LPIN1: variants seen among roughly 807,000 people sequenced by gnomAD.
LPIN1 encodes lipin 1, also known as phosphatidate phosphatase LPIN1.
LPIN1 carries 71 observed loss-of-function variants against 107.5 expected under a neutral mutation model. The ratio of observed to expected loss-of-function variants is 0.66; its 90% CI spans 0.55 to 0.80. The LOEUF (loss-of-function observed/expected upper bound fraction) is 0.80, where lower values mean the gene tolerates loss of function less well. Ranked by LOEUF, LPIN1 falls within the 30% of genes least tolerant of loss-of-function variation. The pLI, the probability that LPIN1 is intolerant of heterozygous loss-of-function variation, is 0.00. For missense variants in LPIN1, 1,043 were observed against 1,160.6 expected, an observed-to-expected ratio of 0.90 and a Z score of 1.47; for synonymous variants, 445 against 452.6, an observed-to-expected ratio of 0.98 and a Z score of 0.21.
At chr2:11,740,327 A>G (rs898668769) in intron 1 of LPIN1, among the ~76,000 whole-genome samples, 3 of 152,148 alleles carry the variant, frequency 2.0e-5, no homozygotes, top group African/African-American at 7.2e-5. Flanking sequence ...AACACACTCA[A>G]AGACATCCCC....
At chr2:11,816,741 C>CTT (rs58385642) in intron 18 of LPIN1, 43 of 136,916 alleles carry the variant, frequency 3.1e-4, no homozygotes, top group African/African-American at 7.2e-4. Flanking sequence ...AATGACCTTC[C>CTT]TTTTTTTTTT....
chr2:11,815,517 A>G (rs1039235129), intron 18 of LPIN1, among the ~76,000 whole-genome samples: 2 of 151,772 alleles, frequency 1.3e-5, no homozygotes, highest in African/African-American at 4.8e-5. Flanking sequence ...TCGTCTCTAC[A>G]TCTCAGTCTG....
At chr2:11,769,314 C>T (rs1383466369) in intron 3 of LPIN1, among the ~76,000 whole-genome samples, 1 of 152,180 alleles carries the variant, frequency 6.6e-6, no homozygotes, top group East Asian at 1.9e-4. Flanking sequence ...TCCTAATAAC[C>T]AGCGGTATCT....
intron 17 of LPIN1, among the ~76,000 whole-genome samples, chr2:11,812,267 G>C (rs1679797672): frequency 6.6e-6 from 1 of 152,236 alleles, no homozygotes; most frequent in South Asian, 2.1e-4. Flanking sequence ...TTGGCACGGG[G>C]GTTGTAGCAA....
intron 1 of LPIN1, among the ~76,000 whole-genome samples, chr2:11,699,927 G>A (rs1345446955): frequency 6.6e-6 from 1 of 151,912 alleles, no homozygotes; most frequent in African/African-American, 2.4e-5. Context: ...CTGAAACTCA[G>A]TTTCTTCAAT....
rs183014576 is a variant in LPIN1, at chr2:11,821,569, C to T, written c.2621+1055C>T. ...TGGCCCCAGATAGCCCGAGGGGTTC[C>T]TCTTTATCTGGAGGAGTTAGACTGG... On this transcript the variant is annotated intron_variant, in intron 20 of 20. Coordinates refer to ENST00000674199, the MANE Select transcript of LPIN1 (RefSeq NM_001349206.2). 4.2e-3 allele frequency among the ~76,000 whole-genome samples: 638 copies of T among 152,310 alleles called. 3 individuals carry two copies. Among genetic ancestry groups the T allele is most frequent in the Non-Finnish European group, 5.2e-3 (356 of 68,018 alleles).
In LPIN1 at chr2:11,759,123, GCTTTCTTTCTTTT is replaced by G. The variant is rs1411943440; in HGVS notation, c.-9-6397_-9-6385del. 5.7e-3 allele frequency among the ~76,000 whole-genome samples: 833 copies of G among 146,866 alleles called. 4 individuals are homozygous for G. The highest frequency in any genetic ancestry group is 0.013 in the South Asian group (62 of 4,658). On this transcript the variant is annotated intron_variant, in intron 1 of 20. Coordinates refer to ENST00000674199, the MANE Select transcript of LPIN1 (RefSeq NM_001349206.2). ...TATCCAGTTATGAGCTAGCTAGCTT[GCTTTCTTTCTTTT>G]CTTTCTTTCTTTCTTTCTTTCTTTC...
rs571532101 is a variant in LPIN1 at position 11,784,906 on chromosome 2, C to G, written c.1379C>G (p.Ala460Gly). The change falls in exon 10 of 21, where the codon GCA becomes GGA. Residue 460 changes from alanine (A) to glycine (G), a missense_variant. By Grantham distance (60) the Ala-to-Gly change is moderately conservative. Transcript: ENST00000674199. Reference sequence around the variant, plus strand: ...TCCAGCGGAGATCCTTCCGGACTCGCAAAACATGCAAGCGACAACGGAGCC... The same window carrying G: ...TCCAGCGGAGATCCTTCCGGACTCGGAAAACATGCAAGCGACAACGGAGCC... ...FPKNGDPSGLAKHASDNGARS... is the reference protein window; with the variant it reads ...FPKNGDPSGLGKHASDNGARS... The G allele has an allele frequency of 6.2e-7, 1 of 1,613,984 alleles. No individual in the cohort carries two copies. Among genetic ancestry groups the G allele is most frequent in the Non-Finnish European group, 8.5e-7 (1 of 1,180,020 alleles).
intron 11 of LPIN1, among the ~76,000 whole-genome samples, chr2:11,787,818 G>A (rs1444050530): frequency 2.0e-5 from 3 of 151,960 alleles, no homozygotes; most frequent in Admixed American, 2.0e-4. Context: ...GCGGGCGCCT[G>A]TAGTTCCAGC....
chr2:11,746,916 C>T (rs897374660), intron 1 of LPIN1, among the ~76,000 whole-genome samples: 1 of 152,200 alleles, frequency 6.6e-6, no homozygotes, highest in Admixed American at 6.5e-5. Context: ...TCGGGCCTGG[C>T]TTTCCTGACG....
chr2:11,815,518 T>C (rs901991988), intron 18 of LPIN1, among the ~76,000 whole-genome samples: 1 of 152,078 alleles, frequency 6.6e-6, no homozygotes, highest in African/African-American at 2.4e-5. Context: ...CGTCTCTACA[T>C]CTCAGTCTGT....
At chr2:11,778,493 G>A (rs1271055105) in intron 6 of LPIN1, among the ~76,000 whole-genome samples, 1 of 152,218 alleles carries the variant, frequency 6.6e-6, no homozygotes, top group African/African-American at 2.4e-5. Context: ...AACTCACCTT[G>A]TATTGACAGG....
intron 18 of LPIN1, 90 bp from the exon 19 acceptor site, chr2:11,819,394 A>T: frequency 1.2e-6 from 1 of 861,754 alleles, no homozygotes; most frequent in Non-Finnish European, 2.0e-6. Flanking sequence ...GAGTTTTCTC[A>T]GTGTTGCGGC....
chr2:11,703,658 AAT>A (rs1194860756), intron 1 of LPIN1, among the ~76,000 whole-genome samples: 1 of 152,142 alleles, frequency 6.6e-6, no homozygotes, highest in African/African-American at 2.4e-5. Flanking sequence ...CACCTGCAAA[AAT>A]AGACACAACT....
intron 2 of LPIN1, among the ~76,000 whole-genome samples, chr2:11,716,797 C>T (rs778717379): frequency 6.6e-6 from 1 of 152,192 alleles, no homozygotes; most frequent in Non-Finnish European, 1.5e-5. Flanking sequence ...AACCCACCTC[C>T]CCCGGCTCTA....
intron 3 of LPIN1, among the ~76,000 whole-genome samples, 166 bp downstream of exon 3, chr2:11,768,024 G>A (rs1450372131): frequency 2.0e-5 from 3 of 152,130 alleles, no homozygotes; most frequent in African/African-American, 2.4e-5. Context: ...TGAGCCAGAC[G>A]GCCTAGGGGT....
intron 1 of LPIN1, among the ~76,000 whole-genome samples, chr2:11,678,879 A>T (rs1661564635): frequency 6.6e-6 from 1 of 152,250 alleles, no homozygotes; most frequent in African/African-American, 2.4e-5. Flanking sequence ...TGATGGGGAC[A>T]GGAGCAGGAC....
At chr2:11,794,585 A>G (rs1287052618) in intron 13 of LPIN1, among the ~76,000 whole-genome samples, 1 of 152,188 alleles carries the variant, frequency 6.6e-6, no homozygotes, top group African/African-American at 2.4e-5. Context: ...TATAGTTTGT[A>G]TTGTTCATTT....
chr2:11,755,785 C>T (rs902215530), intron 1 of LPIN1, among the ~76,000 whole-genome samples: 7 of 151,520 alleles, frequency 4.6e-5, no homozygotes, highest in Admixed American at 1.3e-4. Context: ...TCAGTGGCGC[C>T]GTCTCGGCTC....
Sources: allele counts gnomAD v4.1 joint callset (sites outside exome capture counted in the v4.1 genomes callset), GRCh38; gene constraint gnomAD v4.1.1; transcripts MANE v1.5; gene names NCBI Gene and HGNC (gene_info 2026-07-23, HGNC 2026-07-21).